TET3: variants seen among roughly 807,000 people sequenced by gnomAD.
TET3 encodes methylcytosine dioxygenase TET3.
In TET3, 19 loss-of-function variants were observed where a neutral mutation model predicts 141.4. The ratio of observed to expected loss-of-function variants is 0.13; its 90% CI spans 0.09 to 0.20. The LOEUF (loss-of-function observed/expected upper bound fraction) is 0.20. TET3 is among the 10% of genes least tolerant of loss of function. The pLI is 1.00. For synonymous variants in TET3, 1,043 were observed against 980.9 expected (o/e 1.06, Z -1.18); for missense variants, 1,874 against 2,356.9 (o/e 0.80, Z 4.24).
intron 4 of TET3, among the ~76,000 whole-genome samples, chr2:74,057,060 G>GA (rs1688259404): frequency 6.6e-6 from 1 of 152,188 alleles, no homozygotes; most frequent in Admixed American, 6.5e-5. Context: ...TGAGGATGAG[G>GA]ATGGTGGGCT....
chr2:74,055,395 T>G (rs1284180054), intron 4 of TET3, among the ~76,000 whole-genome samples: 1 of 152,208 alleles, frequency 6.6e-6, no homozygotes, highest in African/African-American at 2.4e-5. Flanking sequence ...AGGCCCAGCA[T>G]GCTGTACATG....
the TET3 span, among the ~76,000 whole-genome samples, chr2:74,118,554 A>C: frequency 6.6e-6 from 1 of 152,322 alleles, no homozygotes; most frequent in African/African-American, 2.4e-5. Flanking sequence ...ATTATCAGTA[A>C]GGCTTCTGGT....
intron 10 of TET3, among the ~76,000 whole-genome samples, chr2:74,096,157 T>G (rs1690813781): frequency 1.3e-5 from 2 of 152,336 alleles, no homozygotes; most frequent in Admixed American, 1.3e-4. Context: ...CATCTTATCT[T>G]TTGGATTTTC....
intron 2 of TET3, among the ~76,000 whole-genome samples, chr2:73,996,190 G>T (rs189443922): frequency 6.6e-6 from 1 of 152,192 alleles, no homozygotes; most frequent in African/African-American, 2.4e-5. Context: ...GGAAGACCAG[G>T]TCCAGGGTCT....
chr2:74,118,187 C>T, the TET3 span, among the ~76,000 whole-genome samples: 1 of 152,230 alleles, frequency 6.6e-6, no homozygotes, highest in Non-Finnish European at 1.5e-5. Flanking sequence ...GTGGTTTTCA[C>T]GTGTCTTTCA....
chr2:74,127,824 C>T, the TET3 span, among the ~76,000 whole-genome samples: 4 of 151,988 alleles, frequency 2.6e-5, no homozygotes, highest in East Asian at 3.9e-4. Flanking sequence ...GCTTCAGCAG[C>T]GACAACAAAC....
intron 4 of TET3, among the ~76,000 whole-genome samples, chr2:74,050,950 G>A (rs186325429): frequency 2.0e-5 from 3 of 152,220 alleles, no homozygotes; most frequent in East Asian, 3.9e-4. Context: ...GGCCCATGCT[G>A]TTGTATGGAA....
the TET3 span, among the ~76,000 whole-genome samples, chr2:74,115,055 T>C: frequency 6.6e-6 from 1 of 151,922 alleles, no homozygotes; most frequent in African/African-American, 2.4e-5. Context: ...AAATATTTTA[T>C]GAATAAGACC....
At chr2:74,006,854 A>G (rs1253956814) in intron 3 of TET3, among the ~76,000 whole-genome samples, 3 of 152,154 alleles carry the variant, frequency 2.0e-5, no homozygotes, top group East Asian at 1.9e-4. Context: ...CAGCGTCTCT[A>G]CAGCTTCAGA....
chr2:73,991,462 A>G (rs1336097506), intron 2 of TET3, among the ~76,000 whole-genome samples: 3 of 152,056 alleles, frequency 2.0e-5, no homozygotes, highest in Non-Finnish European at 4.4e-5. Context: ...GGGTGCCTGT[A>G]ATCCCAGCTC....
At chr2:74,026,536 A>G (rs1686371867) in intron 3 of TET3, among the ~76,000 whole-genome samples, 1 of 152,210 alleles carries the variant, frequency 6.6e-6, no homozygotes, top group Non-Finnish European at 1.5e-5. Context: ...GGCAGTGCTT[A>G]ACAGATAATT....
upstream of TET3, among the ~76,000 whole-genome samples, chr2:73,983,825 T>A (rs1200625391): frequency 6.6e-6 from 1 of 152,184 alleles, no homozygotes; most frequent in African/African-American, 2.4e-5. Flanking sequence ...CCCGAGTGTG[T>A]GTGTGCGCGT....
chr2:74,012,920 G>A (rs1685533977), intron 3 of TET3, among the ~76,000 whole-genome samples: 1 of 151,358 alleles, frequency 6.6e-6, no homozygotes, highest in African/African-American at 2.4e-5. Flanking sequence ...TGTTTAGCAT[G>A]GTTTGAAGAT....
At chr2:74,082,805 G>C (rs1689905851) in intron 6 of TET3, among the ~76,000 whole-genome samples, 1 of 152,010 alleles carries the variant, frequency 6.6e-6, no homozygotes, top group South Asian at 2.1e-4. Flanking sequence ...CCTTCTCCCT[G>C]CCCTGCAGGG....
rs1687635741 is a variant in TET3 at position 74,046,615 on chromosome 2, G to A, written c.698G>A (p.Gly233Glu). Reference protein sequence around the residue: ...TFNREMSREAGNNSRGPRPGP... With the variant: ...TFNREMSREAENNSRGPRPGP... ...AACCGTGAGATGAGTCGTGAGGCTG[G>A]GAACAACAGCAGGGGACCCCGGCCA... is the stretch of plus-strand genomic sequence containing the variant. The change falls in exon 4 of 12, where the codon GGG (glycine) becomes GAG (glutamate). Residue 233 changes from glycine (G) to glutamate (E), a missense_variant. Coordinates refer to ENST00000409262, the MANE Select transcript of TET3 (RefSeq NM_001287491.2). The surrounding 1 kb of genome is among the most constrained non-coding windows in gnomAD (Gnocchi z 4.3). 2 of 1,613,934 alleles carry A rather than the reference G, an allele frequency of 1.2e-6. No individual in the cohort carries two copies. Among genetic ancestry groups the A allele is most frequent in the East Asian group, 2.2e-5 (1 of 44,894 alleles).
chr2:74,090,723 G>A (rs774194481), intron 8 of TET3, among the ~76,000 whole-genome samples: 11 of 152,218 alleles, frequency 7.2e-5, no homozygotes, highest in African/African-American at 1.4e-4. Flanking sequence ...TGCTCAGGCC[G>A]CCTCCCCTCT....
the TET3 span, among the ~76,000 whole-genome samples, chr2:74,114,853 C>CAAAAAAAAAA: frequency 0.066 from 2,875 of 43,710 alleles, 457 homozygotes; most frequent in East Asian, 0.15. Context: ...GACTCTGTCT[C>CAAAAAAAAAA]AAAAAAAAAA....
intron 4 of TET3, among the ~76,000 whole-genome samples, chr2:74,062,781 A>G (rs553150117): frequency 3.3e-5 from 5 of 152,158 alleles, no homozygotes; most frequent in Admixed American, 6.5e-5. Flanking sequence ...ATTGAATAGC[A>G]TTAAACAGCA....
At chr2:73,999,426 G>A (rs1273472423) in intron 2 of TET3, among the ~76,000 whole-genome samples, 1 of 152,204 alleles carries the variant, frequency 6.6e-6, no homozygotes, top group African/African-American at 2.4e-5. Context: ...CTGACATGGG[G>A]TTGGTGCTTG....
Sources: allele counts gnomAD v4.1 joint callset (sites outside exome capture counted in the v4.1 genomes callset), GRCh38; gene constraint gnomAD v4.1.1; non-coding constraint Gnocchi (gnomAD v3.1); transcripts MANE v1.5; gene names NCBI Gene and HGNC (gene_info 2026-07-23, HGNC 2026-07-21).